The following PAFAH1B1 variants were observed in gnomAD, a reference collection of about 807,000 sequenced individuals.
PAFAH1B1 encodes platelet activating factor acetylhydrolase 1b regulatory subunit 1, also known as platelet-activating factor acetylhydrolase IB subunit beta.
Under a neutral mutation model 57.5 loss-of-function variants are expected in PAFAH1B1, and 2 were observed. The ratio of observed to expected loss-of-function variants is 0.03; its 90% confidence interval spans 0.01 to 0.11. PAFAH1B1 has a LOEUF of 0.11. Ranked by LOEUF, PAFAH1B1 falls within the 10% of genes least tolerant of loss-of-function variation. The pLI is 1.00. For missense variants in PAFAH1B1, 257 were observed against 512.0 expected, an observed-to-expected ratio of 0.50 and a Z score of 4.81; for synonymous variants, 152 against 169.6, an observed-to-expected ratio of 0.90 and a Z score of 0.81.
intron 1 of PAFAH1B1, among the ~76,000 whole-genome samples, chr17:2,624,433 A>G (rs1240839912): frequency 6.6e-6 from 1 of 152,194 alleles, no homozygotes; most frequent in African/African-American, 2.4e-5. Context: ...AACTGGGAAC[A>G]AGAAAAGGTT....
intron 8 of PAFAH1B1, 38 bp from the exon 9 acceptor site, chr17:2,676,467 T>C: frequency 7.8e-7 from 1 of 1,275,896 alleles, no homozygotes; most frequent in Non-Finnish European, 1.1e-6. Context: ...ACCTAACTTC[T>C]TGTGTGGGAA....
intron 1 of PAFAH1B1, among the ~76,000 whole-genome samples, chr17:2,618,802 C>G (rs1043085121): frequency 6.7e-6 from 1 of 148,474 alleles, no homozygotes; most frequent in Admixed American, 6.7e-5. Context: ...TACTCGCTCA[C>G]TTGGGAGGCC....
At chr17:2,622,546 T>G (rs1170398141) in intron 1 of PAFAH1B1, among the ~76,000 whole-genome samples, 3 of 152,114 alleles carry the variant, frequency 2.0e-5, no homozygotes, top group Admixed American at 6.6e-5. Flanking sequence ...ATGCAAGAGG[T>G]GGGTTCCCAT....
At chr17:2,603,194 C>G (rs1208264021) in intron 1 of PAFAH1B1, among the ~76,000 whole-genome samples, 2 of 152,100 alleles carry the variant, frequency 1.3e-5, no homozygotes, top group Non-Finnish European at 2.9e-5. Context: ...GGGTCTGGCT[C>G]TGTTGCCCAG....
chr17:2,664,530 C>T (rs1048592925), intron 2 of PAFAH1B1, among the ~76,000 whole-genome samples: 2 of 151,924 alleles, frequency 1.3e-5, no homozygotes, highest in Admixed American at 6.6e-5. Context: ...CTTGGCCTCC[C>T]GAGTAGCTGG....
chr17:2,615,497 G>C (rs1184893362), intron 1 of PAFAH1B1, among the ~76,000 whole-genome samples: 1 of 151,720 alleles, frequency 6.6e-6, no homozygotes, highest in African/African-American at 2.4e-5. Flanking sequence ...CTGGAGTGCA[G>C]TGGCACAATC....
rs1005742407 is a variant in PAFAH1B1, at chr17:2,608,090, C to CT, written c.-191+14094dup. On this transcript the variant is annotated intron_variant, in intron 1 of 10. Transcript: ENST00000397195. ...ATATATGATACCATATTTTCTTTTT[C>CT]TTTTTTTTTTGTGAGACAAAGTCTC... 9.3e-4 allele frequency among the ~76,000 whole-genome samples: 137 copies of CT among 146,938 alleles called. 1 individual carries two copies. Among genetic ancestry groups the CT allele is most frequent in the African/African-American group, 3.0e-3 (122 of 40,122 alleles).
chr17:2,658,833 A>C (rs1007676466), intron 2 of PAFAH1B1, among the ~76,000 whole-genome samples: 2 of 152,206 alleles, frequency 1.3e-5, no homozygotes, highest in Non-Finnish European at 2.9e-5. Context: ...GGTAATGGCA[A>C]TCAATTTGTC....
intron 5 of PAFAH1B1, among the ~76,000 whole-genome samples, chr17:2,667,972 G>A (rs1567555888): frequency 1.3e-5 from 2 of 151,888 alleles, no homozygotes; most frequent in Non-Finnish European, 2.9e-5. Flanking sequence ...TTAGGTAGAT[G>A]CCTCTATCCT....
At chr17:2,614,028 T>TG (rs929693293) in intron 1 of PAFAH1B1, 5 of 142,798 alleles carry the variant, frequency 3.5e-5, no homozygotes, top group African/African-American at 1.4e-4. Context: ...TGGGTTTTTT[T>TG]TTTTTTTTTT....
chr17:2,624,373 C>T (rs2317295), intron 1 of PAFAH1B1, among the ~76,000 whole-genome samples: 293 of 152,204 alleles, frequency 1.9e-3, no homozygotes, highest in Middle Eastern at 6.8e-3. Flanking sequence ...CTACTGTTAC[C>T]AGTTTACTGT....
chr17:2,645,137 C>T (rs900770165), intron 2 of PAFAH1B1, among the ~76,000 whole-genome samples: 6 of 152,076 alleles, frequency 3.9e-5, no homozygotes, highest in African/African-American at 1.4e-4. Flanking sequence ...ATCCCGGCTA[C>T]TCAGCTGGCT....
In PAFAH1B1 at chr17:2,626,553, TCCCCCC is replaced by T. The variant is rs764519686; in HGVS notation, c.-190-11533_-190-11528del. Among the ~76,000 whole-genome samples, 23 of 32,722 alleles carry T rather than the reference TCCCCCC, an allele frequency of 7.0e-4. 1 individual carries two copies. The highest frequency in any genetic ancestry group is 2.3e-3 in the East Asian group (1 of 434). The allele number at this position is 32,722 out of a possible 152,430, so 21.5% of individuals were successfully genotyped here. A position where few individuals can be genotyped will look rare whatever the true frequency, so the allele number is the denominator to read the frequency against. On this transcript the variant is annotated intron_variant, in intron 1 of 10. Coordinates refer to ENST00000397195, the MANE Select transcript of PAFAH1B1 (RefSeq NM_000430.4). Reference sequence around the variant, plus strand: ...AAACTTGAACCGGCATCACCTTTCTTCCCCCCCCCCCCCCCCCCGAGGCGGAGTCTT... The same window carrying T: ...AAACTTGAACCGGCATCACCTTTCTTCCCCCCCCCCCCGAGGCGGAGTCTT...
At chr17:2,647,855 T>A (rs1199111671) in intron 2 of PAFAH1B1, among the ~76,000 whole-genome samples, 1 of 151,572 alleles carries the variant, frequency 6.6e-6, no homozygotes, top group Admixed American at 6.6e-5. Context: ...ATACAAAAAA[T>A]TAGCCGGGCA....
chr17:2,660,374 A>G (rs937291900), intron 2 of PAFAH1B1, among the ~76,000 whole-genome samples: 1 of 151,830 alleles, frequency 6.6e-6, no homozygotes, highest in African/African-American at 2.4e-5. Flanking sequence ...CGCATTAGCT[A>G]TTTGTCCTGA....
chr17:2,598,962 A>G (rs1318372301), intron 1 of PAFAH1B1, among the ~76,000 whole-genome samples: 1 of 152,142 alleles, frequency 6.6e-6, no homozygotes, highest in Non-Finnish European at 1.5e-5. Context: ...GAAATGCTTT[A>G]TATTCATTGG....
At chr17:2,606,855 T>A (rs2068210705) in intron 1 of PAFAH1B1, among the ~76,000 whole-genome samples, 1 of 144,424 alleles carries the variant, frequency 6.9e-6, no homozygotes, top group Non-Finnish European at 1.5e-5. Context: ...AGTCTCGCTC[T>A]GTCGCCCAGG....
intron 2 of PAFAH1B1, 39 bp from the exon 3 acceptor site, chr17:2,665,333 A>T: frequency 9.5e-7 from 1 of 1,054,494 alleles, no homozygotes; most frequent in East Asian, 2.4e-5. Context: ...AATAGAAATG[A>T]GGTCTTTTTT....
chr17:2,619,536 GT>G (rs774865216), intron 1 of PAFAH1B1, among the ~76,000 whole-genome samples: 25 of 45,942 alleles, frequency 5.4e-4, no homozygotes, highest in East Asian at 6.8e-4. Context: ...GCCCTTACCT[GT>G]TTTTTTTTTG....
Sources: gnomAD v4.1 joint callset for allele counts (sites outside exome capture counted in the v4.1 genomes callset) on GRCh38, gnomAD v4.1.1 for gene constraint, MANE v1.5 for transcripts, NCBI Gene and HGNC (gene_info 2026-07-23, HGNC 2026-07-21) for gene names.